Variants in NDST3 observed in about 807,000 individuals in gnomAD.
The protein encoded by NDST3 is bifunctional heparan sulfate N-deacetylase/N-sulfotransferase 3.
NDST3 carries 58 observed loss-of-function variants against 96.1 expected under a neutral mutation model. That is an observed-to-expected ratio of 0.60 (90% CI 0.49 to 0.75). The LOEUF (loss-of-function observed/expected upper bound fraction) is 0.75, where lower values mean the gene tolerates loss of function less well. Ranked by LOEUF, NDST3 falls within the 30% of genes least tolerant of loss-of-function variation. The probability of loss-of-function intolerance (pLI) is 0.00; values close to 1 mark genes in which losing one functional copy is unlikely to be tolerated. For synonymous variants in NDST3, 333 were observed against 359.7 expected (o/e 0.93, Z 0.84); for missense variants, 788 against 1,034.2 (o/e 0.76, Z 3.27).
Position 118,153,860 on chromosome 4 carries a change from A to G in NDST3, c.1539+10176A>G, listed in dbSNP as rs374807629. Reference sequence around the variant, plus strand: ...ATAATAATAATTTTAATGACGTGAAATATTCATGATCTTCTCAATGGGAAA... The same window carrying G: ...ATAATAATAATTTTAATGACGTGAAGTATTCATGATCTTCTCAATGGGAAA... On this transcript the variant is annotated intron_variant, in intron 6 of 13. Coordinates refer to ENST00000296499, the MANE Select transcript of NDST3 (RefSeq NM_004784.3). 3.3e-5 allele frequency among the ~76,000 whole-genome samples: 5 copies of G among 152,270 alleles called. 1 individual carries two copies. In the East Asian group the frequency reaches 9.6e-4, roughly 29 times the overall value.
At chr4:118,095,133 T>C (rs1257040876) in intron 2 of NDST3, among the ~76,000 whole-genome samples, 1 of 151,832 alleles carries the variant, frequency 6.6e-6, no homozygotes, top group Non-Finnish European at 1.5e-5. Context: ...AAAGAGGTTA[T>C]GTGTAAGTGG....
At chr4:118,068,682 G>C (rs1726801087) in intron 2 of NDST3, among the ~76,000 whole-genome samples, 1 of 151,978 alleles carries the variant, frequency 6.6e-6, no homozygotes, top group Admixed American at 6.6e-5. Context: ...TGCACATTTG[G>C]GGAAACATAG....
At chr4:118,183,334 C>G (rs866523393) in intron 6 of NDST3, among the ~76,000 whole-genome samples, 1 of 152,168 alleles carries the variant, frequency 6.6e-6, no homozygotes, top group Non-Finnish European at 1.5e-5. Flanking sequence ...CATGATTGAG[C>G]TCGGTTTCCA....
intron 4 of NDST3, among the ~76,000 whole-genome samples, chr4:118,126,537 C>CATATAT (rs956364801): frequency 0.016 from 330 of 20,300 alleles, no homozygotes; most frequent in African/African-American, 0.024. Flanking sequence ...TATATATACA[C>CATATAT]ATATATATAT....
chr4:118,222,186 A>C (rs1739592752), intron 6 of NDST3, among the ~76,000 whole-genome samples: 1 of 151,934 alleles, frequency 6.6e-6, no homozygotes, highest in African/African-American at 2.4e-5. Context: ...TGACATTATA[A>C]ATGTCATAGG....
chr4:118,115,780 A>G (rs1207082450), intron 4 of NDST3, among the ~76,000 whole-genome samples: 2 of 152,210 alleles, frequency 1.3e-5, no homozygotes, highest in Non-Finnish European at 2.9e-5. Flanking sequence ...TGGTTCTCAC[A>G]GTACCTTACT....
At chr4:118,072,660 T>C (rs950366905) in intron 2 of NDST3, among the ~76,000 whole-genome samples, 1 of 152,164 alleles carries the variant, frequency 6.6e-6, no homozygotes, top group African/African-American at 2.4e-5. Context: ...TATAAAATTA[T>C]ATCATCTGCA....
At chr4:118,209,771 C>A (rs1269605647) in intron 6 of NDST3, among the ~76,000 whole-genome samples, 1 of 152,154 alleles carries the variant, frequency 6.6e-6, no homozygotes, top group African/African-American at 2.4e-5. Flanking sequence ...TCCTTTAAAG[C>A]CTATCAGATC....
chr4:118,155,300 T>A (rs1734649058), intron 6 of NDST3, among the ~76,000 whole-genome samples: 1 of 152,236 alleles, frequency 6.6e-6, no homozygotes, highest in African/African-American at 2.4e-5. Flanking sequence ...CCAGGGCCAA[T>A]CTGTGTGTAG....
At chr4:118,038,942 T>C (rs146705754) in intron 1 of NDST3, among the ~76,000 whole-genome samples, 4 of 152,350 alleles carry the variant, frequency 2.6e-5, no homozygotes, top group Admixed American at 1.3e-4. Flanking sequence ...ATAGGTTACA[T>C]TGACAAGCAG....
At chr4:118,112,212 A>G (rs1206640686) in intron 3 of NDST3, among the ~76,000 whole-genome samples, 1 of 152,222 alleles carries the variant, frequency 6.6e-6, no homozygotes, top group Non-Finnish European at 1.5e-5. Context: ...GATATTCAGG[A>G]AAGGACAACA....
Position 118,035,429 on chromosome 4 carries a change from C to T in NDST3, c.-156+837C>T, listed in dbSNP as rs1028221430. Reference sequence around the variant, plus strand: ...GTGTGCAACTGATCTGGGACACACACTTTTTTTTTGTTTTTTTTTTTTGCC... The same window carrying T: ...GTGTGCAACTGATCTGGGACACACATTTTTTTTTTGTTTTTTTTTTTTGCC... On this transcript the variant is annotated intron_variant, in intron 1 of 13. Transcript: ENST00000296499. Among the ~76,000 whole-genome samples the T allele has an allele frequency of 3.4e-4, 36 of 105,296 alleles. 1 individual carries two copies. The East Asian group carries it at 3.8e-3, about 11-fold the overall frequency. The allele number at this position is 105,296 out of a possible 152,430, so 69.1% of individuals were successfully genotyped here. A position where few individuals can be genotyped will look rare whatever the true frequency, so the allele number is the denominator to read the frequency against.
At chr4:118,035,041 A>C (rs1724070667) in intron 1 of NDST3, among the ~76,000 whole-genome samples, 1 of 152,192 alleles carries the variant, frequency 6.6e-6, no homozygotes, top group Admixed American at 6.5e-5. Context: ...ACAATTAATA[A>C]AATTAAATGG....
intron 2 of NDST3, among the ~76,000 whole-genome samples, chr4:118,088,525 T>C (rs1728612773): frequency 6.6e-6 from 1 of 152,056 alleles, no homozygotes; most frequent in African/African-American, 2.4e-5. Context: ...AGTACCAGGA[T>C]ACCTGAAGAA....
Position 118,053,993 on chromosome 4 carries a change from T to C in NDST3, c.83T>C (p.Ile28Thr). 6.2e-7 allele frequency: 1 copy of C among 1,612,684 alleles called. No individual in the cohort carries two copies. Among genetic ancestry groups the C allele is most frequent in the Admixed American group, 1.7e-5 (1 of 59,866 alleles). ...ACTTTTTGTATGGTGAGCATTATCA[T>C]TTCTGCTTACTACCTGTACAGTGGC... ...LATFCMVSIIISAYYLYSGYK... is the reference protein window; with the variant it reads ...LATFCMVSIITSAYYLYSGYK... Residue 28 changes from isoleucine (I) to threonine (T), a missense_variant, in exon 2 of 14, where the codon ATT becomes ACT. Physicochemically the swap from Ile to Thr is moderately conservative, Grantham distance 89. Transcript: ENST00000296499.
intron 3 of NDST3, among the ~76,000 whole-genome samples, chr4:118,113,628 A>T (rs1287174686): frequency 6.6e-6 from 1 of 152,240 alleles, no homozygotes; most frequent in Non-Finnish European, 1.5e-5. Flanking sequence ...GAACAATGTT[A>T]ACAGGAACTG....
intron 1 of NDST3, among the ~76,000 whole-genome samples, chr4:118,046,887 G>A (rs1724792685): frequency 6.7e-6 from 1 of 149,722 alleles, no homozygotes; most frequent in African/African-American, 2.4e-5. Flanking sequence ...CCATCTACCT[G>A]CTGCAACTTC....
intron 6 of NDST3, among the ~76,000 whole-genome samples, chr4:118,164,614 G>A (rs1392843019): frequency 3.3e-5 from 5 of 152,028 alleles, no homozygotes; most frequent in African/African-American, 1.2e-4. Flanking sequence ...AACACCCTAG[G>A]CAGCAGCAGA....
At chr4:118,181,148 C>A (rs1423488890) in intron 6 of NDST3, among the ~76,000 whole-genome samples, 1 of 152,120 alleles carries the variant, frequency 6.6e-6, no homozygotes, top group Non-Finnish European at 1.5e-5. Context: ...ATCAGTGGCA[C>A]CTTCCCTGTG....
Sources: allele counts gnomAD v4.1 joint callset (sites outside exome capture counted in the v4.1 genomes callset), GRCh38; gene constraint gnomAD v4.1.1; transcripts MANE v1.5; gene names NCBI Gene and HGNC (gene_info 2026-07-23, HGNC 2026-07-21).